ASIC2: variants seen among roughly 807,000 people sequenced by gnomAD.
ASIC2 encodes the protein acid sensing ion channel subunit 2.
Under a neutral mutation model 57.3 loss-of-function variants are expected in ASIC2, and 25 were observed. The ratio of observed to expected loss-of-function variants is 0.44; its 90% CI spans 0.32 to 0.61. The LOEUF (loss-of-function observed/expected upper bound fraction) is 0.61. Ranked by LOEUF, ASIC2 falls within the 20% of genes least tolerant of loss-of-function variation. The pLI is 0.06. For synonymous variants in ASIC2, 319 were observed against 307.5 expected, an observed-to-expected ratio of 1.04 and a Z score of -0.39; for missense variants, 641 against 738.1, an observed-to-expected ratio of 0.87 and a Z score of 1.52.
chr17:34,141,504 T>G (rs905846886), intron 1 of ASIC2, among the ~76,000 whole-genome samples: 1 of 152,376 alleles, frequency 6.6e-6, no homozygotes, highest in Admixed American at 6.5e-5. Flanking sequence ...TAAAGTAATC[T>G]TTTATTTACT....
At chr17:33,306,344 C>T (rs1472705333) in intron 1 of ASIC2, among the ~76,000 whole-genome samples, 1 of 152,088 alleles carries the variant, frequency 6.6e-6, no homozygotes, top group Non-Finnish European at 1.5e-5. Context: ...AGTGTTTTTT[C>T]CCCCTAGCCT....
chr17:33,258,721 A>G (rs1909171039), intron 1 of ASIC2, among the ~76,000 whole-genome samples: 1 of 152,218 alleles, frequency 6.6e-6, no homozygotes, highest in Admixed American at 6.5e-5. Flanking sequence ...AGACATATAC[A>G]ATGTTCTCTG....
intron 1 of ASIC2, among the ~76,000 whole-genome samples, chr17:33,791,314 G>A (rs1911763035): frequency 6.6e-6 from 1 of 152,170 alleles, no homozygotes; most frequent in Non-Finnish European, 1.5e-5. Flanking sequence ...CATCTGCCAT[G>A]GGAAATATGA....
chr17:33,427,677 C>T (rs867672249), intron 1 of ASIC2, among the ~76,000 whole-genome samples: 27 of 152,352 alleles, frequency 1.8e-4, no homozygotes, highest in African/African-American at 6.3e-4. Context: ...GGCAGAGCCT[C>T]AGCCCCAAAG....
At chr17:33,139,668 T>C (rs992293244) in intron 1 of ASIC2, among the ~76,000 whole-genome samples, 1 of 152,088 alleles carries the variant, frequency 6.6e-6, no homozygotes, top group Non-Finnish European at 1.5e-5. Context: ...CAGCAGCATG[T>C]CCCCTCCTGC....
intron 1 of ASIC2, among the ~76,000 whole-genome samples, chr17:33,695,060 T>C (rs1303220433): frequency 6.6e-6 from 1 of 152,166 alleles, no homozygotes; most frequent in African/African-American, 2.4e-5. Context: ...ACAGAAATTG[T>C]ATGGGAAAGA....
At chr17:33,360,402 A>C (rs903160097) in intron 1 of ASIC2, among the ~76,000 whole-genome samples, 19 of 152,190 alleles carry the variant, frequency 1.2e-4, no homozygotes, top group African/African-American at 4.6e-4. Context: ...CCTTGCCTAC[A>C]GCAGGGGCTC....
intron 1 of ASIC2, among the ~76,000 whole-genome samples, chr17:33,737,818 A>T (rs139130545): frequency 7.9e-5 from 12 of 152,234 alleles, no homozygotes; most frequent in African/African-American, 2.9e-4. Flanking sequence ...AAAAGCCCCA[A>T]TTAGACTTAA....
intron 1 of ASIC2, among the ~76,000 whole-genome samples, chr17:33,287,578 G>T (rs1905247897): frequency 1.3e-5 from 2 of 152,212 alleles, no homozygotes; most frequent in South Asian, 4.1e-4. Flanking sequence ...AAGCCAAGCT[G>T]CTTTATCTGA....
intron 1 of ASIC2, among the ~76,000 whole-genome samples, chr17:34,012,224 T>C (rs1198503840): frequency 6.6e-6 from 1 of 152,114 alleles, no homozygotes; most frequent in Non-Finnish European, 1.5e-5. Context: ...CGAACCACCA[T>C]GACCCAACCC....
intron 1 of ASIC2, among the ~76,000 whole-genome samples, chr17:33,990,206 C>T (rs1597964738): frequency 6.6e-6 from 1 of 152,134 alleles, no homozygotes; most frequent in East Asian, 1.9e-4. Context: ...CACAGCTCTG[C>T]CTCTTACTAG....
intron 1 of ASIC2, among the ~76,000 whole-genome samples, chr17:33,182,746 A>G (rs146907001): frequency 1.4e-3 from 216 of 152,266 alleles, no homozygotes; most frequent in South Asian, 3.3e-3. Flanking sequence ...TTTCAGAGCC[A>G]TTGTATTTAA....
At chr17:34,132,215 C>G (rs9914385) in intron 1 of ASIC2, among the ~76,000 whole-genome samples, 2 of 151,994 alleles carry the variant, frequency 1.3e-5, no homozygotes, top group Admixed American at 1.3e-4. Flanking sequence ...TGGTTCCTCC[C>G]GGTAAGTTCG....
intron 1 of ASIC2, among the ~76,000 whole-genome samples, chr17:34,104,094 T>C (rs77110998): frequency 0.029 from 4,446 of 151,456 alleles, 232 homozygotes; most frequent in African/African-American, 0.1. Flanking sequence ...AAATATAGTA[T>C]ATCTCTTCAT....
At chr17:34,143,718 T>C (rs926595537) in intron 1 of ASIC2, among the ~76,000 whole-genome samples, 4 of 152,190 alleles carry the variant, frequency 2.6e-5, no homozygotes, top group African/African-American at 9.7e-5. Flanking sequence ...AATGAAACTT[T>C]GCCTTTTCAG....
intron 1 of ASIC2, chr17:33,976,503 C>T (rs1905393235): frequency 6.6e-6 from 1 of 152,146 alleles, no homozygotes; most frequent in Non-Finnish European, 1.5e-5. Context: ...TGCTCTCTTC[C>T]AACTGGAGAG....
At chr17:33,401,991 A>G (rs1450303681) in intron 1 of ASIC2, among the ~76,000 whole-genome samples, 1 of 152,178 alleles carries the variant, frequency 6.6e-6, no homozygotes, top group Non-Finnish European at 1.5e-5. Flanking sequence ...TTTGACTCCA[A>G]TTCCCTCCAT....
At chr17:33,044,259 TACCC>T (rs565652752) in intron 3 of ASIC2, among the ~76,000 whole-genome samples, 17,540 of 132,240 alleles carry the variant, frequency 0.13, 1,120 homozygotes, top group South Asian at 0.19. Flanking sequence ...TTCATCCATC[TACCC>T]ATCCATCCAT....
intron 1 of ASIC2, among the ~76,000 whole-genome samples, chr17:33,229,326 C>CA (rs1232866460): frequency 6.6e-6 from 1 of 152,088 alleles, no homozygotes; most frequent in Non-Finnish European, 1.5e-5. Flanking sequence ...TGTATTTATT[C>CA]AAAAAACACC....
Sources: allele counts gnomAD v4.1 joint callset (sites outside exome capture counted in the v4.1 genomes callset), GRCh38; gene constraint gnomAD v4.1.1; transcripts MANE v1.5; gene names NCBI Gene and HGNC (gene_info 2026-07-23, HGNC 2026-07-21).